Variants in RTL4 observed in about 807,000 individuals in gnomAD.
RTL4 encodes the protein retrotransposon Gag-like protein 4.
In RTL4, 4 loss-of-function variants were observed where a neutral mutation model predicts 5.3. The ratio of observed to expected loss-of-function variants is 0.75; its 90% CI spans 0.37 to 1.72. RTL4 has a LOEUF of 1.72. Ranked by LOEUF, RTL4 falls within the 40% of genes most tolerant of loss-of-function variation. The pLI is 0.04. For synonymous variants in RTL4, 98 were observed against 87.3 expected (o/e 1.12, Z -0.68); for missense variants, 260 against 227.1 (o/e 1.14, Z -0.93).
the RTL4 span, among the ~76,000 whole-genome samples, chrX:112,337,439 A>G: frequency 9.1e-6 from 1 of 110,164 alleles, no homozygotes; most frequent in South Asian, 3.9e-4. Context: ...ACCTGCCACC[A>G]TGCCCAGCTA....
At chrX:112,275,434 A>T in the RTL4 span, among the ~76,000 whole-genome samples, 1 of 111,479 alleles carries the variant, frequency 9.0e-6, no homozygotes. Context: ...ATCTTCTCCG[A>T]TAGGTAATTC....
At chrX:112,161,080 A>T in the RTL4 span, among the ~76,000 whole-genome samples, 2 of 111,971 alleles carry the variant, frequency 1.8e-5, no homozygotes, top group African/African-American at 6.5e-5. Context: ...TAGGCAAGCT[A>T]GGTGATGGAT....
the RTL4 span, among the ~76,000 whole-genome samples, chrX:112,282,919 G>A: frequency 9.0e-6 from 1 of 111,419 alleles, no homozygotes; most frequent in Non-Finnish European, 1.9e-5. Flanking sequence ...TATTATAGTA[G>A]GTGTATGTGA....
At chrX:112,154,213 A>C in the RTL4 span, among the ~76,000 whole-genome samples, 7 of 111,181 alleles carry the variant, frequency 6.3e-5, no homozygotes, top group Non-Finnish European at 9.4e-5. Flanking sequence ...CTTTATTGAC[A>C]TTCTCTGATA....
the RTL4 span, among the ~76,000 whole-genome samples, chrX:112,373,036 T>C: frequency 9.0e-6 from 1 of 111,601 alleles, no homozygotes; most frequent in Admixed American, 9.5e-5. Flanking sequence ...CTTCTCACTG[T>C]AAGAGTGAGA....
At chrX:112,411,141 C>G in the RTL4 span, among the ~76,000 whole-genome samples, 1 of 111,225 alleles carries the variant, frequency 9.0e-6, no homozygotes, top group African/African-American at 3.3e-5. Context: ...ATACAACTTA[C>G]CAGAATTGAA....
At chrX:112,438,859 TGA>T in the RTL4 span, among the ~76,000 whole-genome samples, 71 of 112,282 alleles carry the variant, frequency 6.3e-4, no homozygotes, top group African/African-American at 2.2e-3. Context: ...TAAGCTGAAT[TGA>T]GAGCTTGTTT....
the RTL4 span, among the ~76,000 whole-genome samples, chrX:112,308,888 C>CAA: frequency 2.8e-5 from 3 of 108,407 alleles, no homozygotes; most frequent in African/African-American, 1.0e-4. Context: ...TCCAATAAAA[C>CAA]AAAAAAAAAT....
At chrX:112,091,075 A>T in the RTL4 span, among the ~76,000 whole-genome samples, 1 of 110,483 alleles carries the variant, frequency 9.1e-6, no homozygotes, top group African/African-American at 3.3e-5. Context: ...GATTATTTTT[A>T]TTTCTTTAAT....
At chrX:112,434,494 C>T in the RTL4 span, among the ~76,000 whole-genome samples, 8 of 111,782 alleles carry the variant, frequency 7.2e-5, no homozygotes, top group Non-Finnish European at 1.1e-4. Flanking sequence ...TTATCCATTT[C>T]GTCTAGATTT....
At chrX:112,327,869 A>G in the RTL4 span, among the ~76,000 whole-genome samples, 1 of 111,361 alleles carries the variant, frequency 9.0e-6, no homozygotes, top group Non-Finnish European at 1.9e-5. Flanking sequence ...CTTAAAGAAA[A>G]GAATTTTCAA....
chrX:112,150,330 G>T, the RTL4 span, among the ~76,000 whole-genome samples: 2 of 111,640 alleles, frequency 1.8e-5, no homozygotes, highest in Non-Finnish European at 3.8e-5. Context: ...ATCTTAAAGA[G>T]ATTAAAAAAC....
chrX:112,196,030 AT>A, the RTL4 span, among the ~76,000 whole-genome samples: 1 of 111,481 alleles, frequency 9.0e-6, no homozygotes, highest in African/African-American at 3.3e-5. Context: ...CTTGCAGTCT[AT>A]TGTGTAATAT....
chrX:112,274,562 C>A, the RTL4 span, among the ~76,000 whole-genome samples: 1 of 111,573 alleles, frequency 9.0e-6, no homozygotes, highest in East Asian at 2.8e-4. Flanking sequence ...AAGAATCAAA[C>A]AGGAAGAAAG....
At chrX:112,322,455 G>A in the RTL4 span, among the ~76,000 whole-genome samples, 1 of 108,120 alleles carries the variant, frequency 9.2e-6, no homozygotes, top group South Asian at 4.0e-4. Flanking sequence ...GATATTTCTT[G>A]TTGGTGTAAT....
chrX:112,320,285 T>C, the RTL4 span: 1 of 111,726 alleles, frequency 9.0e-6, no homozygotes, highest in Non-Finnish European at 1.9e-5. Flanking sequence ...ACTCCGTAAT[T>C]CTTGAACCAA....
the RTL4 span, among the ~76,000 whole-genome samples, chrX:112,435,555 A>G: frequency 1.8e-5 from 2 of 111,980 alleles, no homozygotes; most frequent in African/African-American, 3.2e-5. Flanking sequence ...ACAAACTCCC[A>G]TGCCCTCATG....
the RTL4 span, among the ~76,000 whole-genome samples, chrX:112,362,253 C>T: frequency 6.3e-5 from 7 of 111,770 alleles, no homozygotes; most frequent in East Asian, 1.1e-3. Flanking sequence ...GGATGCTGGA[C>T]GTAGAGCAAT....
chrX:112,291,560 C>T, the RTL4 span, among the ~76,000 whole-genome samples: 5 of 110,490 alleles, frequency 4.5e-5, no homozygotes, highest in South Asian at 1.9e-3. Flanking sequence ...CCAGAAGAAA[C>T]ACCATCTACC....
Sources: gnomAD v4.1 joint callset for allele counts (sites outside exome capture counted in the v4.1 genomes callset) on GRCh38, gnomAD v4.1.1 for gene constraint, MANE v1.5 for transcripts, NCBI Gene and HGNC (gene_info 2026-07-23, HGNC 2026-07-21) for gene names.